EHD3: variants seen among roughly 807,000 people sequenced by gnomAD.
The protein encoded by EHD3 is EH domain containing 3, also known as EH domain-containing protein 3.
EHD3 carries 17 observed loss-of-function variants against 43.0 expected under a neutral mutation model. The ratio of observed to expected loss-of-function variants is 0.40; its 90% CI spans 0.27 to 0.59. The LOEUF (loss-of-function observed/expected upper bound fraction) is 0.59, where lower values mean the gene tolerates loss of function less well. Ranked by LOEUF, EHD3 falls within the 20% of genes least tolerant of loss-of-function variation. The pLI is 0.49. For missense variants in EHD3, 594 were observed against 705.6 expected (o/e 0.84, Z 1.79); for synonymous variants, 313 against 289.5 (o/e 1.08, Z -0.82).
chr2:31,257,116 A>C (rs116383224), intron 3 of EHD3, among the ~76,000 whole-genome samples: 2,143 of 152,290 alleles, frequency 0.014, 56 homozygotes, highest in African/African-American at 0.049. Context: ...GGAGCAGCAG[A>C]AGGCCAGAGG....
Position 31,267,496 on chromosome 2 carries a change from C to T in EHD3, c.*792C>T, listed in dbSNP as rs923090740. 3.9e-5 allele frequency: 6 copies of T among 152,672 alleles called. No individual in the cohort carries two copies. Among genetic ancestry groups the T allele is most frequent in the African/African-American group, 1.4e-4 (6 of 41,524 alleles). The allele number at this position is 152,672 out of a possible 1,614,324, so 9.5% of individuals were successfully genotyped here. On this transcript the variant is annotated 3_prime_UTR_variant, in exon 6 of 6. Transcript: ENST00000322054. The stretch of plus-strand genomic sequence containing the variant: ...ATGTTCATACTTGACTCACATTTAC[C>T]CAGCCCCTCCTGCGTACCAGGAGCT...
At chr2:31,265,992 T>C (rs1362184838) in intron 5 of EHD3, among the ~76,000 whole-genome samples, 185 bp from the exon 6 acceptor site, 1 of 152,166 alleles carries the variant, frequency 6.6e-6, no homozygotes, top group African/African-American at 2.4e-5. Flanking sequence ...TGGGCCTTTA[T>C]TCCCCTCCTC....
intron 3 of EHD3, among the ~76,000 whole-genome samples, chr2:31,250,329 C>T (rs7588625): frequency 0.49 from 72,322 of 149,008 alleles, 19,769 homozygotes; most frequent in East Asian, 0.75. Flanking sequence ...TGCAGTGGCA[C>T]GATCTCAGCT....
At position 31,266,192 on chromosome 2, in the gene EHD3, C is replaced by T. The variant is rs1306591050; in HGVS notation, c.1096C>T (p.Gln366Ter). 4 of 1,611,426 alleles carry T rather than the reference C, an allele frequency of 2.5e-6. No homozygotes were observed. The Admixed American group carries it at 6.7e-5, about 27-fold the overall frequency. The change falls in exon 6 of 6, where the codon CAG becomes TAG. Residue 366 changes from glutamine to a stop codon, truncating the protein, a stop_gained. Coordinates refer to ENST00000322054, the MANE Select transcript of EHD3 (RefSeq NM_014600.3). LOFTEE classifies it high-confidence loss of function. The surrounding 1 kb of genome is among the most constrained non-coding windows in gnomAD (Gnocchi z 5.1). Reference sequence around the variant, plus strand: ...CTCTTCCCAGGACCAGCTGCAGGCCCAGGACTTTAGCAAGTTCCAGCCGCT... The same window carrying T: ...CTCTTCCCAGGACCAGCTGCAGGCCTAGGACTTTAGCAAGTTCCAGCCGCT... ...LKRMQDQLQA[Q>*]DFSKFQPLKS...
At chr2:31,263,241 C>T (rs1169709239) in intron 5 of EHD3, among the ~76,000 whole-genome samples, 1 of 152,212 alleles carries the variant, frequency 6.6e-6, no homozygotes, top group East Asian at 1.9e-4. Flanking sequence ...AGCACTTCAG[C>T]TCTTCGCTTC....
In EHD3 at chr2:31,266,761, TACACACACACACACACAC is replaced by T. The variant is rs67643147; in HGVS notation, c.*73_*90del. On this transcript the variant is annotated 3_prime_UTR_variant, in exon 6 of 6. Transcript: ENST00000322054. The surrounding 1 kb of genome is among the most constrained non-coding windows in gnomAD (Gnocchi z 5.1). ...TAGAGGAGGAGATGGGAGCGGTGAC[TACACACACACACACACAC>T]ACACACACACACACAAACATGCACA... The T allele has an allele frequency of 4.2e-6, 5 of 1,179,266 alleles. No homozygotes were observed. The South Asian group carries it at 6.0e-5, about 14-fold the overall frequency. The allele number at this position is 1,179,266 out of a possible 1,614,324, so 73.1% of individuals were successfully genotyped here.
chr2:31,249,828 C>T (rs1340203279), intron 3 of EHD3, among the ~76,000 whole-genome samples: 2 of 152,186 alleles, frequency 1.3e-5, no homozygotes, highest in Non-Finnish European at 2.9e-5. Context: ...TGCAGCTCTG[C>T]AGGGCAGCCA....
Position 31,266,951 on chromosome 2 carries a change from G to A in EHD3, c.*247G>A, listed in dbSNP as rs1683965802. 1.9e-6 allele frequency: 1 copy of A among 517,230 alleles called. No homozygotes were observed. Among genetic ancestry groups the A allele is most frequent in the South Asian group, 3.1e-5 (1 of 32,708 alleles). The allele number at this position is 517,230 out of a possible 1,614,324, so 32.0% of individuals were successfully genotyped here. A position where few individuals can be genotyped will look rare whatever the true frequency, so the allele number is the denominator to read the frequency against. The stretch of plus-strand genomic sequence containing the variant: ...CCCAGGCCCCAGAGTCTAAGCCTAA[G>A]TCTCTATCGCTCTTCCCCTCTCCTC... On this transcript the variant is annotated 3_prime_UTR_variant, in exon 6 of 6. Coordinates refer to ENST00000322054, the MANE Select transcript of EHD3 (RefSeq NM_014600.3). The surrounding 1 kb of genome is among the most constrained non-coding windows in gnomAD (Gnocchi z 5.1).
rs768724648 is a variant in EHD3 at position 31,234,601 on chromosome 2, C to G, written c.-21C>G. The G allele has an allele frequency of 1.2e-6, 2 of 1,612,462 alleles. No homozygotes were observed. Among genetic ancestry groups the G allele is most frequent in the Admixed American group, 3.3e-5 (2 of 60,014 alleles). ...GGAGTCTTCCCCTGGGGCTGCGTGC[C>G]GGGGGCGAGCGGCGGCCGCGATGTT... is the stretch of plus-strand genomic sequence containing the variant. On this transcript the variant is annotated 5_prime_UTR_variant, in exon 1 of 6. Transcript: ENST00000322054.
chr2:31,251,594 C>T (rs1683636642), intron 3 of EHD3, among the ~76,000 whole-genome samples: 1 of 152,152 alleles, frequency 6.6e-6, no homozygotes, highest in Non-Finnish European at 1.5e-5. Context: ...AATTGGTGGC[C>T]TGTGAATTCT....
rs1397201560 is a variant in EHD3 at position 31,244,191 on chromosome 2, G to A, written c.228-83G>A. ...GTGGCCCTGCCCTCCCCTCTGACTC[G>A]CATGTTGTCTGCCTTATAGTAGACA... On this transcript the variant is annotated intron_variant, in intron 1 of 5. Coordinates refer to ENST00000322054, the MANE Select transcript of EHD3 (RefSeq NM_014600.3). 1.1e-5 allele frequency: 16 copies of A among 1,391,316 alleles called. No individual in the cohort carries two copies. In the East Asian group the frequency reaches 1.4e-4, roughly 12 times the overall value. 86.2% of individuals were successfully genotyped at this position (1,391,316 alleles called of 1,614,324 possible).
intron 3 of EHD3, among the ~76,000 whole-genome samples, chr2:31,258,468 C>T (rs1194280692): frequency 6.6e-6 from 1 of 152,266 alleles, no homozygotes. Context: ...CCATCGATGC[C>T]TGCTACTTAG....
At chr2:31,241,590 G>C (rs771361879) in intron 1 of EHD3, among the ~76,000 whole-genome samples, 5 of 152,178 alleles carry the variant, frequency 3.3e-5, no homozygotes, top group Non-Finnish European at 7.4e-5. Context: ...CATAGTATGT[G>C]GGAAGGTGAA....
intron 1 of EHD3, among the ~76,000 whole-genome samples, chr2:31,237,975 T>C (rs1683352756): frequency 6.6e-6 from 1 of 152,184 alleles, no homozygotes; most frequent in African/African-American, 2.4e-5. Flanking sequence ...TATTTTTTCC[T>C]ATATTGTGTG....
chr2:31,239,908 G>A (rs558766615), intron 1 of EHD3, among the ~76,000 whole-genome samples: 5 of 150,444 alleles, frequency 3.3e-5, no homozygotes, highest in African/African-American at 7.5e-5. Context: ...TCTCCAGCAC[G>A]AAGGGGAGGG....
intron 1 of EHD3, among the ~76,000 whole-genome samples, chr2:31,243,460 C>CTTTCTTTCTTTTTTTTTT (rs1553402472): frequency 3.4e-4 from 33 of 98,480 alleles, no homozygotes; most frequent in African/African-American, 8.7e-4. Context: ...TTCTTTCTTT[C>CTTTCTTTCTTTTTTTTTT]TTTTTTTTTT....
intron 1 of EHD3, among the ~76,000 whole-genome samples, chr2:31,237,432 T>C (rs1021581110): frequency 3.9e-5 from 6 of 152,038 alleles, no homozygotes; most frequent in African/African-American, 1.5e-4. Flanking sequence ...TGAGATGGAG[T>C]CTCACTGTGT....
intron 1 of EHD3, 103 bp downstream of exon 1, chr2:31,234,951 T>C (rs2236170): frequency 0.58 from 633,242 of 1,086,462 alleles, 191,272 homozygotes; most frequent in East Asian, 0.77. Flanking sequence ...ATGGGAAGCC[T>C]TCAGTTGAGG....
intron 5 of EHD3, among the ~76,000 whole-genome samples, chr2:31,263,742 T>C (rs1683894800): frequency 6.6e-6 from 1 of 152,170 alleles, no homozygotes; most frequent in Non-Finnish European, 1.5e-5. Flanking sequence ...GTTTTTTGCA[T>C]TTTTCTGCAG....
Sources: gnomAD v4.1 joint callset for allele counts (sites outside exome capture counted in the v4.1 genomes callset) on GRCh38, gnomAD v4.1.1 for gene constraint, Gnocchi (gnomAD v3.1) non-coding constraint, MANE v1.5 for transcripts, NCBI Gene and HGNC (gene_info 2026-07-23, HGNC 2026-07-21) for gene names.